ARL15: variants seen among roughly 807,000 people sequenced by gnomAD.
The protein encoded by ARL15 is ADP-ribosylation factor-like protein 15.
In ARL15, 19 loss-of-function variants were observed where a neutral mutation model predicts 25.2. That is an observed-to-expected ratio of 0.75 (90% CI 0.53 to 1.10). The LOEUF (loss-of-function observed/expected upper bound fraction) is 1.10. ARL15 is among the 50% of genes least tolerant of loss of function. The pLI, the probability that ARL15 is intolerant of heterozygous loss-of-function variation, is 0.00. For synonymous variants in ARL15, 94 were observed against 86.8 expected, an observed-to-expected ratio of 1.08 and a Z score of -0.46; for missense variants, 220 against 246.0, an observed-to-expected ratio of 0.89 and a Z score of 0.71.
At chr5:54,002,978 A>G (rs560808727) in intron 4 of ARL15, among the ~76,000 whole-genome samples, 1 of 152,306 alleles carries the variant, frequency 6.6e-6, no homozygotes, top group East Asian at 1.9e-4. Context: ...TCTGAACTCA[A>G]TGCAAATTGA....
At chr5:54,123,295 G>A (rs770780262) in intron 3 of ARL15, among the ~76,000 whole-genome samples, 1 of 151,976 alleles carries the variant, frequency 6.6e-6, no homozygotes, top group African/African-American at 2.4e-5. Context: ...ATTTTTAGTA[G>A]AGACAGGGTT....
At chr5:54,155,702 A>ACG in intron 2 of ARL15, among the ~76,000 whole-genome samples, 1 of 151,546 alleles carries the variant, frequency 6.6e-6, no homozygotes. Context: ...ACACACACAC[A>ACG]CGCACACACA....
intron 4 of ARL15, among the ~76,000 whole-genome samples, chr5:54,100,708 T>A (rs1303801411): frequency 6.6e-6 from 1 of 152,080 alleles, no homozygotes; most frequent in Non-Finnish European, 1.5e-5. Flanking sequence ...TTGAAGGAAT[T>A]TAATGAATTC....
At chr5:54,028,296 G>A (rs747235276) in intron 4 of ARL15, among the ~76,000 whole-genome samples, 3 of 151,846 alleles carry the variant, frequency 2.0e-5, no homozygotes, top group Non-Finnish European at 4.4e-5. Flanking sequence ...AACTGCAATC[G>A]GTCAAAAGAT....
In ARL15 at chr5:54,123,786, C is replaced by T. The variant is rs190533761; in HGVS notation, c.254-10376G>A. On this transcript the variant is annotated intron_variant, in intron 3 of 4. Transcript: ENST00000504924. Reference sequence around the variant, plus strand: ...TTCTATCTTATGCTCTGGAATGCATCTTACTGTCTCAAGAGGCAAGTGGAA... The same window carrying T: ...TTCTATCTTATGCTCTGGAATGCATTTTACTGTCTCAAGAGGCAAGTGGAA... 7.0e-4 allele frequency among the ~76,000 whole-genome samples: 106 copies of T among 152,262 alleles called. No individual in the cohort carries two copies. In the Middle Eastern group the frequency reaches 0.01, roughly 15 times the overall value.
At chr5:54,190,626 T>G (rs544859229) in intron 1 of ARL15, among the ~76,000 whole-genome samples, 1 of 152,168 alleles carries the variant, frequency 6.6e-6, no homozygotes, top group African/African-American at 2.4e-5. Context: ...GCTAGTTTCC[T>G]GGAAGCATTG....
intron 1 of ARL15, among the ~76,000 whole-genome samples, chr5:54,228,714 G>A (rs1026425532): frequency 4.6e-5 from 7 of 152,168 alleles, no homozygotes; most frequent in Non-Finnish European, 1.0e-4. Context: ...TCACTTTCAT[G>A]GTAAGAAAAA....
intron 4 of ARL15, among the ~76,000 whole-genome samples, chr5:54,027,105 T>C (rs1371439840): frequency 6.6e-6 from 1 of 152,194 alleles, no homozygotes; most frequent in Admixed American, 6.5e-5. Context: ...AGTGGGTTTG[T>C]GGTGTTTCTA....
intron 1 of ARL15, among the ~76,000 whole-genome samples, chr5:54,192,385 T>C (rs62370451): frequency 0.017 from 2,629 of 152,208 alleles, 38 homozygotes; most frequent in Non-Finnish European, 0.024. Context: ...TATTTATTTG[T>C]TTATTGCCAG....
At chr5:54,134,286 A>G (rs1482711199) in intron 3 of ARL15, among the ~76,000 whole-genome samples, 1 of 152,186 alleles carries the variant, frequency 6.6e-6, no homozygotes, top group Non-Finnish European at 1.5e-5. Context: ...TCATTTCAGG[A>G]AAGTATTTGA....
At chr5:54,166,523 G>A (rs995912960) in intron 2 of ARL15, among the ~76,000 whole-genome samples, 2 of 151,944 alleles carry the variant, frequency 1.3e-5, no homozygotes, top group East Asian at 1.9e-4. Flanking sequence ...CTTTTGTTTG[G>A]GGTTCAGTGA....
At chr5:54,159,016 A>G (rs1276784365) in intron 2 of ARL15, among the ~76,000 whole-genome samples, 1 of 152,212 alleles carries the variant, frequency 6.6e-6, no homozygotes, top group African/African-American at 2.4e-5. Flanking sequence ...AAATACTGGT[A>G]AAGTCAACTG....
chr5:54,097,700 T>G (rs1458440923), intron 4 of ARL15, among the ~76,000 whole-genome samples: 1 of 152,204 alleles, frequency 6.6e-6, no homozygotes, highest in Non-Finnish European at 1.5e-5. Flanking sequence ...GTAAGCCATC[T>G]TTTTCATCTA....
chr5:54,225,517 G>C (rs1385150150), intron 1 of ARL15, among the ~76,000 whole-genome samples: 4 of 152,164 alleles, frequency 2.6e-5, no homozygotes. Flanking sequence ...ACTGGGTGGT[G>C]AAGAGTGACA....
chr5:54,228,042 T>A (rs1169968463), intron 1 of ARL15, among the ~76,000 whole-genome samples: 1 of 152,176 alleles, frequency 6.6e-6, no homozygotes, highest in Admixed American at 6.5e-5. Context: ...AACTTGGGAC[T>A]TGTATGTCTG....
intron 1 of ARL15, among the ~76,000 whole-genome samples, chr5:54,235,702 G>T (rs1756784078): frequency 6.6e-6 from 1 of 152,090 alleles, no homozygotes; most frequent in Non-Finnish European, 1.5e-5. Context: ...GAACTCCTGG[G>T]TTCAAATGAT....
At chr5:54,014,428 T>C (rs1749345638) in intron 4 of ARL15, among the ~76,000 whole-genome samples, 1 of 152,140 alleles carries the variant, frequency 6.6e-6, no homozygotes, top group Non-Finnish European at 1.5e-5. Context: ...CTGTTCTTCA[T>C]CCATTAATTC....
chr5:54,005,916 G>T, intron 4 of ARL15, among the ~76,000 whole-genome samples: 1 of 151,432 alleles, frequency 6.6e-6, no homozygotes, highest in Non-Finnish European at 1.5e-5. Flanking sequence ...GCACATGCCT[G>T]TAATCCCAGC....
At chr5:54,188,929 C>T (rs1755317314) in intron 1 of ARL15, among the ~76,000 whole-genome samples, 1 of 152,132 alleles carries the variant, frequency 6.6e-6, no homozygotes, top group Admixed American at 6.5e-5. Flanking sequence ...TCAAGCTAAC[C>T]ATTTTTTTTG....
Sources: gnomAD v4.1 joint callset for allele counts (sites outside exome capture counted in the v4.1 genomes callset) on GRCh38, gnomAD v4.1.1 for gene constraint, MANE v1.5 for transcripts, NCBI Gene and HGNC (gene_info 2026-07-23, HGNC 2026-07-21) for gene names.